UNC5C: variants seen among roughly 807,000 people sequenced by gnomAD.
UNC5C encodes the protein unc-5 netrin receptor C.
In UNC5C, 47 loss-of-function variants were observed where a neutral mutation model predicts 99.8. That is an observed-to-expected ratio of 0.47 (90% CI 0.37 to 0.60). The LOEUF is 0.60. Ranked by LOEUF, UNC5C falls within the 20% of genes least tolerant of loss-of-function variation. The pLI is 0.00. For synonymous variants in UNC5C, 487 were observed against 452.2 expected (o/e 1.08, Z -0.98); for missense variants, 1,062 against 1,165.9 (o/e 0.91, Z 1.30).
intron 4 of UNC5C, among the ~76,000 whole-genome samples, chr4:95,256,227 A>T (rs1217752229): frequency 6.6e-6 from 1 of 151,886 alleles, no homozygotes; most frequent in African/African-American, 2.4e-5. Context: ...ATGACTCCTA[A>T]ATTTATCTCC....
At chr4:95,231,531 C>CCTT (rs1456980284) in intron 7 of UNC5C, among the ~76,000 whole-genome samples, 1 of 152,130 alleles carries the variant, frequency 6.6e-6, no homozygotes, top group Non-Finnish European at 1.5e-5. Flanking sequence ...CTGATCCTAT[C>CCTT]CTTAGAAGAA....
chr4:95,184,985 A>ATAAT, intron 13 of UNC5C, 62 bp downstream of exon 13: 1 of 1,465,662 alleles, frequency 6.8e-7, no homozygotes. Flanking sequence ...CTATGTCTAT[A>ATAAT]TAATTTTAGA....
Position 95,185,199 on chromosome 4 carries a change from A to G in UNC5C, c.2137-3T>C. On this transcript the variant is annotated splice_polypyrimidine_tract_variant and splice_region_variant and intron_variant, in intron 12 of 15. Coordinates refer to ENST00000453304, the MANE Select transcript of UNC5C (RefSeq NM_003728.4). Reference sequence around the variant, plus strand: ...TGTCTCTCAAGATGTAAAATTTCCTATAATGACATGCCCCAAACCCAAAGC... The same window carrying G: ...TGTCTCTCAAGATGTAAAATTTCCTGTAATGACATGCCCCAAACCCAAAGC... 4 of 1,605,408 alleles carry G rather than the reference A, an allele frequency of 2.5e-6. No individual in the cohort carries two copies. The highest frequency in any genetic ancestry group is 2.2e-5 in the South Asian group (2 of 89,510).
At chr4:95,277,731 G>C (rs1740912608) in intron 4 of UNC5C, among the ~76,000 whole-genome samples, 1 of 152,170 alleles carries the variant, frequency 6.6e-6, no homozygotes, top group South Asian at 2.1e-4. Context: ...GGACTTGATG[G>C]AAAGTTTATA....
intron 1 of UNC5C, among the ~76,000 whole-genome samples, chr4:95,531,919 T>A (rs1026725886): frequency 6.6e-6 from 1 of 152,228 alleles, no homozygotes; most frequent in African/African-American, 2.4e-5. Flanking sequence ...TGAAAGTCAA[T>A]GTATTTTGTC....
chr4:95,171,225 CTTTTT>C (rs1048391744), intron 14 of UNC5C, among the ~76,000 whole-genome samples: 13 of 148,662 alleles, frequency 8.7e-5, no homozygotes, highest in Admixed American at 3.3e-4. Flanking sequence ...TTTTTTTTTT[CTTTTT>C]TATTTATTTA....
At chr4:95,454,852 T>TCTAATGATTTGG (rs1747384092) in intron 1 of UNC5C, among the ~76,000 whole-genome samples, 1 of 152,134 alleles carries the variant, frequency 6.6e-6, no homozygotes, top group Non-Finnish European at 1.5e-5. Flanking sequence ...GATTTGATCA[T>TCTAATGATTTGG]ATCAGTATCC....
chr4:95,288,521 G>A (rs911260717), intron 3 of UNC5C, among the ~76,000 whole-genome samples: 1 of 152,186 alleles, frequency 6.6e-6, no homozygotes, highest in African/African-American at 2.4e-5. Context: ...GTTTCCAGTG[G>A]AAATTTCCAC....
At chr4:95,337,491 CTCTT>C (rs1206153188) in intron 1 of UNC5C, among the ~76,000 whole-genome samples, 1 of 151,902 alleles carries the variant, frequency 6.6e-6, no homozygotes, top group African/African-American at 2.4e-5. Flanking sequence ...AAGCATGTAT[CTCTT>C]TCTTCTGATT....
At chr4:95,464,413 C>G (rs1230669894) in intron 1 of UNC5C, among the ~76,000 whole-genome samples, 2 of 152,098 alleles carry the variant, frequency 1.3e-5, no homozygotes, top group Admixed American at 1.3e-4. Context: ...TAAGAAGAGT[C>G]TGATTAGAGA....
chr4:95,247,704 A>G (rs1482311642), intron 5 of UNC5C, among the ~76,000 whole-genome samples: 1 of 152,208 alleles, frequency 6.6e-6, no homozygotes, highest in Non-Finnish European at 1.5e-5. Context: ...CCTTAATTCT[A>G]AATACTAAGT....
chr4:95,463,195 G>T (rs539221147), intron 1 of UNC5C, among the ~76,000 whole-genome samples: 1 of 152,234 alleles, frequency 6.6e-6, no homozygotes, highest in African/African-American at 2.4e-5. Context: ...CAGCCAGGCT[G>T]CAGTGCCTAA....
At chr4:95,521,816 C>A (rs1452526366) in intron 1 of UNC5C, among the ~76,000 whole-genome samples, 1 of 152,042 alleles carries the variant, frequency 6.6e-6, no homozygotes, top group African/African-American at 2.4e-5. Context: ...TTTTATATAT[C>A]ACAGAATGCA....
intron 8 of UNC5C, 118 bp from the exon 9 acceptor site, chr4:95,219,431 G>A (rs1386444744): frequency 2.1e-6 from 2 of 938,054 alleles, no homozygotes; most frequent in Non-Finnish European, 3.2e-6. Flanking sequence ...TAATATCGGA[G>A]ATAGATAGAC....
rs148802512 is a variant in UNC5C at position 95,391,261 on chromosome 4, G to A, written c.125-55630C>T. Among the ~76,000 whole-genome samples the A allele has an allele frequency of 9.0e-3, 1,364 of 152,172 alleles. 21 individuals carry two copies. Among genetic ancestry groups the A allele is most frequent in the African/African-American group, 0.032 (1,314 of 41,518 alleles). On this transcript the variant is annotated intron_variant, in intron 1 of 15. Coordinates refer to ENST00000453304, the MANE Select transcript of UNC5C (RefSeq NM_003728.4). ...TATGAAAATGGACTAATAGAACCCA[G>A]CTAACTTATTTTTAATTTTTGTAGG...
chr4:95,431,052 C>G (rs1301581365), intron 1 of UNC5C, among the ~76,000 whole-genome samples: 1 of 152,002 alleles, frequency 6.6e-6, no homozygotes, highest in African/African-American at 2.4e-5. Flanking sequence ...CTCTCTAGCC[C>G]CTATGTCTTT....
chr4:95,445,779 T>G (rs888561310), intron 1 of UNC5C, among the ~76,000 whole-genome samples: 9 of 151,844 alleles, frequency 5.9e-5, no homozygotes, highest in Non-Finnish European at 2.9e-5. Flanking sequence ...AGTGGAGTCA[T>G]CAAGACACAT....
Position 95,244,199 on chromosome 4 carries a change from G to A in UNC5C, c.943+778C>T, listed in dbSNP as rs147348571. On this transcript the variant is annotated intron_variant, in intron 6 of 15. Transcript: ENST00000453304. Reference sequence around the variant, plus strand: ...AAACACAATAGCTACTCCAATGAGTGCAGTAAATTTATGGATTATTTCAAA... The same window carrying A: ...AAACACAATAGCTACTCCAATGAGTACAGTAAATTTATGGATTATTTCAAA... 5.7e-3 allele frequency among the ~76,000 whole-genome samples: 871 copies of A among 152,288 alleles called. 14 individuals carry two copies. Among genetic ancestry groups the A allele is most frequent in the African/African-American group, 0.019 (808 of 41,558 alleles).
At chr4:95,476,755 A>AT (rs11442252) in intron 1 of UNC5C, among the ~76,000 whole-genome samples, 42,256 of 151,616 alleles carry the variant, frequency 0.28, 8,550 homozygotes, top group African/African-American at 0.56. Flanking sequence ...GAATTTGTCC[A>AT]TTTTTTTTGC....
Sources: gnomAD v4.1 joint callset for allele counts (sites outside exome capture counted in the v4.1 genomes callset) on GRCh38, gnomAD v4.1.1 for gene constraint, MANE v1.5 for transcripts, NCBI Gene and HGNC (gene_info 2026-07-23, HGNC 2026-07-21) for gene names.